Variants in ELMOD2 observed in about 807,000 individuals in gnomAD.
The protein encoded by ELMOD2 is ELMO domain containing 2.
ELMOD2 carries 28 observed loss-of-function variants against 41.0 expected under a neutral mutation model. That is an observed-to-expected ratio of 0.68 (90% CI 0.51 to 0.94). The LOEUF (loss-of-function observed/expected upper bound fraction) is 0.94. Among genes scored for constraint, ELMOD2 ranks in the 40% least tolerant of loss-of-function variants. The pLI, the probability that ELMOD2 is intolerant of heterozygous loss-of-function variation, is 0.00. For synonymous variants in ELMOD2, 106 were observed against 107.2 expected, an observed-to-expected ratio of 0.99 and a Z score of 0.07; for missense variants, 333 against 343.1, an observed-to-expected ratio of 0.97 and a Z score of 0.23.
At chr4:140,528,268 G>A (rs1734634120) in intron 3 of ELMOD2, among the ~76,000 whole-genome samples, 1 of 152,126 alleles carries the variant, frequency 6.6e-6, no homozygotes, top group Non-Finnish European at 1.5e-5. Context: ...TCAATTACAA[G>A]GTAATGAAGA....
chr4:140,545,214 G>T (rs933391064), intron 8 of ELMOD2, among the ~76,000 whole-genome samples: 5 of 151,922 alleles, frequency 3.3e-5, no homozygotes, highest in African/African-American at 1.2e-4. Context: ...GGGCATAAAT[G>T]ACCACACGTT....
chr4:140,534,265 A>G (rs1734840352), intron 3 of ELMOD2, among the ~76,000 whole-genome samples: 1 of 152,160 alleles, frequency 6.6e-6, no homozygotes, highest in South Asian at 2.1e-4. Flanking sequence ...AAGAATGTGG[A>G]TGAATCCTAG....
chr4:140,549,357 A>ATATGTG (rs376699079), intron 8 of ELMOD2, among the ~76,000 whole-genome samples: 358 of 150,246 alleles, frequency 2.4e-3, no homozygotes, highest in East Asian at 0.015. Context: ...GTTTACATAT[A>ATATGTG]TGTGTGTGTG....
intron 6 of ELMOD2, among the ~76,000 whole-genome samples, chr4:140,540,869 C>T (rs1487238735): frequency 6.6e-6 from 1 of 151,856 alleles, no homozygotes; most frequent in African/African-American, 2.4e-5. Context: ...ATTATGTATG[C>T]TCCTACTGCC....
chr4:140,553,227 G>A lies in ELMOD2; in HGVS notation c.*2852G>A, dbSNP rs1318309284. On this transcript the variant is annotated 3_prime_UTR_variant, in exon 9 of 9. Transcript: ENST00000323570. ...TGAGTGTGAAAAGTAGATGCTCGTAGCCAGAACAGAAAAGGTTACACATGA... is the reference window on the plus strand; with the variant it reads ...TGAGTGTGAAAAGTAGATGCTCGTAACCAGAACAGAAAAGGTTACACATGA... 6.6e-6 allele frequency: 1 copy of A among 152,110 alleles called. No homozygotes were observed. Among genetic ancestry groups the A allele is most frequent in the Non-Finnish European group, 1.5e-5 (1 of 67,978 alleles). 9.4% of individuals were successfully genotyped at this position (152,110 alleles called of 1,614,324 possible).
Position 140,524,903 on chromosome 4 carries a change from A to T in ELMOD2, c.-9-517A>T, listed in dbSNP as rs867799228. The stretch of plus-strand genomic sequence containing the variant: ...TAAGGTGTTATATACTCAGTGTTCA[A>T]CTTGTATACTTAAGTTTGTAGTGTT... On this transcript the variant is annotated intron_variant, in intron 1 of 8. Coordinates refer to ENST00000323570, the MANE Select transcript of ELMOD2 (RefSeq NM_153702.4). 1.3e-4 allele frequency: 20 copies of T among 154,216 alleles called. No homozygotes were observed. The South Asian group carries it at 1.4e-3, about 11-fold the overall frequency. 9.6% of individuals were successfully genotyped at this position (154,216 alleles called of 1,614,324 possible).
At chr4:140,549,970 A>C (rs1310809504) in intron 8 of ELMOD2, among the ~76,000 whole-genome samples, 1 of 152,080 alleles carries the variant, frequency 6.6e-6, no homozygotes, top group East Asian at 1.9e-4. Flanking sequence ...TTCAGGTATG[A>C]GTCACTGCTC....
intron 3 of ELMOD2, among the ~76,000 whole-genome samples, chr4:140,532,779 T>C (rs1033544615): frequency 3.3e-5 from 5 of 152,130 alleles, no homozygotes; most frequent in Non-Finnish European, 7.4e-5. Context: ...AGTAGTGCAA[T>C]AAGGCAAGAA....
chr4:140,537,796 AATTTT>A (rs1319895299), intron 5 of ELMOD2, among the ~76,000 whole-genome samples: 4 of 150,784 alleles, frequency 2.7e-5, no homozygotes, highest in Non-Finnish European at 5.9e-5. Flanking sequence ...TATTCAAATA[AATTTT>A]ATTTTAATGT....
chr4:140,549,027 A>T (rs1353158418), intron 8 of ELMOD2, among the ~76,000 whole-genome samples: 1 of 151,332 alleles, frequency 6.6e-6, no homozygotes, highest in African/African-American at 2.4e-5. Context: ...GTTTTTATGT[A>T]CTCCTTGGTA....
chr4:140,545,257 G>A (rs1175776156), intron 8 of ELMOD2, among the ~76,000 whole-genome samples: 1 of 151,934 alleles, frequency 6.6e-6, no homozygotes. Context: ...CTTTTCTGAT[G>A]CCACATTCTC....
Position 140,538,161 on chromosome 4 carries a change from C to T in ELMOD2, c.399+620C>T, listed in dbSNP as rs148666993. On this transcript the variant is annotated intron_variant, in intron 5 of 8. Coordinates refer to ENST00000323570, the MANE Select transcript of ELMOD2 (RefSeq NM_153702.4). ...TAGACCTAGAGTAAGCTTTACAGAT[C>T]ATCTAGACTAGTCCCTTTGTTTGAG... Among the ~76,000 whole-genome samples the T allele has an allele frequency of 1.9e-4, 29 of 152,288 alleles. No individual in the cohort carries two copies. In the East Asian group the frequency reaches 3.7e-3, roughly 19 times the overall value.
intron 3 of ELMOD2, among the ~76,000 whole-genome samples, chr4:140,528,129 A>C (rs1482782023): frequency 6.6e-6 from 1 of 152,186 alleles, no homozygotes; most frequent in Non-Finnish European, 1.5e-5. Context: ...AATATATTTT[A>C]AGTCTCTTTG....
chr4:140,546,644 CAATT>C (rs1467533925), intron 8 of ELMOD2, among the ~76,000 whole-genome samples: 1 of 149,126 alleles, frequency 6.7e-6, no homozygotes, highest in Admixed American at 6.7e-5. Flanking sequence ...ACTCCCCAAA[CAATT>C]AAGCAGTTTC....
At chr4:140,528,988 A>G (rs1734656667) in intron 3 of ELMOD2, among the ~76,000 whole-genome samples, 1 of 152,214 alleles carries the variant, frequency 6.6e-6, no homozygotes, top group South Asian at 2.1e-4. Context: ...CAAAGTAACA[A>G]TATTACAAAT....
chr4:140,526,069 T>C (rs563073441), intron 2 of ELMOD2, among the ~76,000 whole-genome samples: 66 of 152,340 alleles, frequency 4.3e-4, no homozygotes, highest in African/African-American at 1.5e-3. Context: ...CACATTATAT[T>C]GAGCATTTGA....
intron 3 of ELMOD2, among the ~76,000 whole-genome samples, chr4:140,535,137 TTCTCTC>T (rs10526729): frequency 0.13 from 17,836 of 141,306 alleles, 1,858 homozygotes; most frequent in African/African-American, 0.29. Context: ...ATCTGTTTCT[TTCTCTC>T]TCTCTCTCTC....
chr4:140,549,777 C>T (rs1007069117), intron 8 of ELMOD2, among the ~76,000 whole-genome samples: 4 of 137,346 alleles, frequency 2.9e-5, no homozygotes, highest in African/African-American at 1.1e-4. Flanking sequence ...CCCTGACCTC[C>T]TGGGCTCAAG....
At chr4:140,529,627 A>G (rs1405055986) in intron 3 of ELMOD2, among the ~76,000 whole-genome samples, 1 of 152,176 alleles carries the variant, frequency 6.6e-6, no homozygotes, top group Non-Finnish European at 1.5e-5. Flanking sequence ...CATCACCACT[A>G]TGCTGCCTGT....
Sources: allele counts gnomAD v4.1 joint callset (sites outside exome capture counted in the v4.1 genomes callset), GRCh38; gene constraint gnomAD v4.1.1; transcripts MANE v1.5; gene names NCBI Gene and HGNC (gene_info 2026-07-23, HGNC 2026-07-21).